Variants in LMTK2 observed in about 807,000 individuals in gnomAD.
LMTK2 encodes serine/threonine-protein kinase LMTK2.
In LMTK2, 37 loss-of-function variants were observed where a neutral mutation model predicts 127.5. The observed-to-expected ratio is 0.29, with a 90% CI of 0.22 to 0.38. The LOEUF (loss-of-function observed/expected upper bound fraction) is 0.38. Ranked by LOEUF, LMTK2 falls within the 10% of genes least tolerant of loss-of-function variation. The pLI, the probability that LMTK2 is intolerant of heterozygous loss-of-function variation, is 1.00. For missense variants in LMTK2, 1,694 were observed against 1,920.3 expected, an observed-to-expected ratio of 0.88 and a Z score of 2.20; for synonymous variants, 819 against 810.1, an observed-to-expected ratio of 1.01 and a Z score of -0.19.
At chr7:98,119,502 A>G (rs1796333324) in intron 1 of LMTK2, among the ~76,000 whole-genome samples, 1 of 152,208 alleles carries the variant, frequency 6.6e-6, no homozygotes, top group Non-Finnish European at 1.5e-5. Context: ...GCTTGAAATA[A>G]GTATTTTTTT....
At chr7:98,120,088 A>G (rs1370971243) in intron 1 of LMTK2, among the ~76,000 whole-genome samples, 1 of 152,242 alleles carries the variant, frequency 6.6e-6, no homozygotes, top group African/African-American at 2.4e-5. Context: ...TAATGATTGT[A>G]TAATCATCAG....
At chr7:98,155,022 C>T (rs1389022515) in intron 5 of LMTK2, 146 bp downstream of exon 5, 11 of 566,618 alleles carry the variant, frequency 1.9e-5, no homozygotes, top group Admixed American at 1.2e-4. Flanking sequence ...GTCCAGGCGT[C>T]ATCTGAAAAT....
At chr7:98,172,790 C>G (rs1797213220) in intron 7 of LMTK2, among the ~76,000 whole-genome samples, 2 of 152,032 alleles carry the variant, frequency 1.3e-5, no homozygotes, top group Non-Finnish European at 1.5e-5. Context: ...GAGACGGAGT[C>G]TCTGTCGCCC....
intron 1 of LMTK2, among the ~76,000 whole-genome samples, chr7:98,108,692 A>G (rs1450890206): frequency 6.6e-6 from 1 of 152,224 alleles, no homozygotes; most frequent in Non-Finnish European, 1.5e-5. Flanking sequence ...TGATGTTGAT[A>G]TTTAAAGATA....
chr7:98,174,654 G>C (rs908428443), intron 7 of LMTK2, among the ~76,000 whole-genome samples: 14 of 152,212 alleles, frequency 9.2e-5, no homozygotes, highest in Admixed American at 9.2e-4. Flanking sequence ...AGACCTGGAG[G>C]GGGTAGCCTT....
intron 1 of LMTK2, 49 bp downstream of exon 1, chr7:98,107,329 G>T: frequency 8.2e-7 from 1 of 1,219,004 alleles, no homozygotes; most frequent in South Asian, 2.7e-5. Flanking sequence ...TCGGCGTGGA[G>T]GGGAGGGGGC....
At chr7:98,124,331 C>G (rs1796412450) in intron 1 of LMTK2, among the ~76,000 whole-genome samples, 1 of 152,212 alleles carries the variant, frequency 6.6e-6, no homozygotes. Context: ...TACTTTGCCT[C>G]TTCAGTGCTC....
chr7:98,190,949 C>A (rs975355622), intron 10 of LMTK2, 72 bp downstream of exon 10: 3 of 1,424,496 alleles, frequency 2.1e-6, no homozygotes, highest in Non-Finnish European at 2.9e-6. Flanking sequence ...CAAAAAAATT[C>A]GTGGGCCAAA....
chr7:98,166,017 G>C (rs1433955359), intron 6 of LMTK2, among the ~76,000 whole-genome samples: 1 of 152,350 alleles, frequency 6.6e-6, no homozygotes. Flanking sequence ...GCCCGGCCCT[G>C]TGCTGGGGCC....
chr7:98,133,257 G>C (rs192364804), intron 1 of LMTK2, among the ~76,000 whole-genome samples: 1 of 152,244 alleles, frequency 6.6e-6, no homozygotes, highest in East Asian at 1.9e-4. Flanking sequence ...TGACTGGCTC[G>C]ACGTATGCCC....
chr7:98,202,119 T>C (rs1329951558), intron 11 of LMTK2, among the ~76,000 whole-genome samples: 1 of 150,028 alleles, frequency 6.7e-6, no homozygotes, highest in East Asian at 1.9e-4. Flanking sequence ...TTCCTCCAGG[T>C]TTTTTTTTTC....
chr7:98,119,060 C>T (rs1584244303), intron 1 of LMTK2, among the ~76,000 whole-genome samples: 1 of 148,512 alleles, frequency 6.7e-6, no homozygotes, highest in African/African-American at 2.5e-5. Flanking sequence ...CCACTGCACT[C>T]CCGCCTGGGT....
intron 4 of LMTK2, 89 bp from the exon 5 acceptor site, chr7:98,154,669 G>A: frequency 1.2e-6 from 1 of 804,352 alleles, no homozygotes; most frequent in Non-Finnish European, 2.1e-6. Context: ...TGCTTAACTT[G>A]TTCACCTGTG....
chr7:98,141,815 G>GT (rs1248743390), intron 3 of LMTK2, among the ~76,000 whole-genome samples: 2 of 152,232 alleles, frequency 1.3e-5, no homozygotes, highest in African/African-American at 4.8e-5. Context: ...CCCAGGCTCT[G>GT]TTCTGGAGGT....
intron 6 of LMTK2, among the ~76,000 whole-genome samples, chr7:98,166,433 C>T (rs1797102148): frequency 6.6e-6 from 1 of 152,120 alleles, no homozygotes; most frequent in Admixed American, 6.5e-5. Flanking sequence ...GAAAAATTTA[C>T]AGAATAAGGA....
intron 1 of LMTK2, among the ~76,000 whole-genome samples, chr7:98,134,423 A>G (rs1796569371): frequency 1.3e-5 from 2 of 152,342 alleles, no homozygotes; most frequent in African/African-American, 2.4e-5. Flanking sequence ...TTTAAAAACA[A>G]TCAATAAAAA....
At chr7:98,134,186 G>A (rs151050266) in intron 1 of LMTK2, among the ~76,000 whole-genome samples, 4 of 152,294 alleles carry the variant, frequency 2.6e-5, no homozygotes, top group Admixed American at 1.3e-4. Flanking sequence ...GGAGCTGGTC[G>A]TATTACCTCA....
chr7:98,108,356 A>T (rs574290271), intron 1 of LMTK2, among the ~76,000 whole-genome samples: 1 of 152,238 alleles, frequency 6.6e-6, no homozygotes, highest in East Asian at 1.9e-4. Context: ...GAATAATGTT[A>T]ATTGGGTACA....
intron 1 of LMTK2, among the ~76,000 whole-genome samples, chr7:98,129,057 T>G (rs1796483107): frequency 6.6e-6 from 1 of 152,094 alleles, no homozygotes; most frequent in Non-Finnish European, 1.5e-5. Flanking sequence ...CTTATTTGTT[T>G]GACCCTGAAA....
Sources: allele counts gnomAD v4.1 joint callset (sites outside exome capture counted in the v4.1 genomes callset), GRCh38; gene constraint gnomAD v4.1.1; transcripts MANE v1.5; gene names NCBI Gene and HGNC (gene_info 2026-07-23, HGNC 2026-07-21).